Variants in GASK1A observed in about 807,000 individuals in gnomAD.
GASK1A encodes Golgi-associated kinase 1A.
A neutral mutation model predicts 41.2 loss-of-function variants in GASK1A; 40 were observed. The ratio of observed to expected loss-of-function variants is 0.97; its 90% CI spans 0.75 to 1.27. The LOEUF (loss-of-function observed/expected upper bound fraction) is 1.27, where lower values mean the gene tolerates loss of function less well. Ranked by LOEUF, GASK1A falls within the 50% of genes most tolerant of loss-of-function variation. GASK1A has a pLI of 0.00. For missense variants in GASK1A, 678 were observed against 745.1 expected, an observed-to-expected ratio of 0.91 and a Z score of 1.05; for synonymous variants, 316 against 307.1, an observed-to-expected ratio of 1.03 and a Z score of -0.30.
rs1212728053 is a variant in GASK1A at position 43,053,596 on chromosome 3, C to A, written c.1366C>A (p.Arg456=). 6.4e-7 allele frequency: 1 copy of A among 1,551,662 alleles called. No individual in the cohort carries two copies. The change falls in exon 3 of 5, where the codon CGA becomes AGA. Residue 456 remains arginine (R), a synonymous_variant. Coordinates refer to ENST00000430121, the MANE Select transcript of GASK1A (RefSeq NM_001129908.3). ...PSDPCVEERL[R]EKCQNPAELR... ...AGACCCCTGTGTGGAAGAGAGGCTC[C>A]GAGAGAAATGCCAGAACCCAGCCGA...
intron 1 of GASK1A, among the ~76,000 whole-genome samples, chr3:43,019,574 G>A (rs2089511290): frequency 6.6e-6 from 1 of 152,130 alleles, no homozygotes; most frequent in South Asian, 2.1e-4. Context: ...GTGACAAACT[G>A]CACTTTAAGA....
chr3:43,014,545 G>A (rs1269456439), intron 1 of GASK1A, among the ~76,000 whole-genome samples: 1 of 152,134 alleles, frequency 6.6e-6, no homozygotes, highest in Non-Finnish European at 1.5e-5. Flanking sequence ...GGAAGTCACA[G>A]GAAGTGGCTG....
intron 2 of GASK1A, among the ~76,000 whole-genome samples, chr3:43,052,230 T>C (rs2089694723): frequency 6.6e-6 from 1 of 152,152 alleles, no homozygotes; most frequent in Non-Finnish European, 1.5e-5. Context: ...CTACCTTGAC[T>C]TGCCCCACAC....
rs758870308 is a variant in GASK1A at position 43,053,526 on chromosome 3, C to T, written c.1296C>T (p.His432=). Residue 432 remains histidine, a synonymous_variant, in exon 3 of 5, where the codon CAC becomes CAT. Transcript: ENST00000430121. ...AAGGCTGGGTGTCTCCACAGGTCCA[C>T]GACCGCTTGGATCGCTACTGCTGTG... ...LALFDFLLQV[H]DRLDRYCCGF... 15 of 1,547,136 alleles carry T rather than the reference C, an allele frequency of 9.7e-6. No individual in the cohort carries two copies. Among genetic ancestry groups the T allele is most frequent in the African/African-American group, 8.2e-5 (6 of 72,960 alleles).
rs1374296115 is a variant in GASK1A at position 43,057,334 on chromosome 3, C to T, written c.*948C>T. The T allele has an allele frequency of 6.6e-6, 1 of 152,166 alleles. No individual in the cohort carries two copies. Among genetic ancestry groups the T allele is most frequent in the Non-Finnish European group, 1.5e-5 (1 of 68,046 alleles). The allele number at this position is 152,166 out of a possible 1,614,324, so 9.4% of individuals were successfully genotyped here. On this transcript the variant is annotated 3_prime_UTR_variant, in exon 5 of 5. Transcript: ENST00000430121. ...AGATTTCCGTACGGGATTTCTGGGG[C>T]AAAGGGTATGGGCATTCAGTATTCT...
At position 43,057,413 on chromosome 3, in the gene GASK1A, C is replaced by T. The variant is rs1260245092; in HGVS notation, c.*1027C>T. ...ATGGTGGTGTCAATTTACATTTCTC[C>T]CAAGAGGGTAGGAGACTGATTATTT... On this transcript the variant is annotated 3_prime_UTR_variant, in exon 5 of 5. Transcript: ENST00000430121. 1 of 152,092 alleles carries T rather than the reference C, an allele frequency of 6.6e-6. No homozygotes were observed. The highest frequency in any genetic ancestry group is 1.9e-4 in the East Asian group (1 of 5,190). 9.4% of individuals were successfully genotyped at this position (152,092 alleles called of 1,614,324 possible). A position where few individuals can be genotyped will look rare whatever the true frequency, so the allele number is the denominator to read the frequency against.
chr3:42,995,036 A>G (rs1256714860), intron 1 of GASK1A, among the ~76,000 whole-genome samples: 3 of 152,236 alleles, frequency 2.0e-5, no homozygotes, highest in African/African-American at 7.2e-5. Flanking sequence ...TTCAAATGTA[A>G]ATAGTCACAT....
intron 1 of GASK1A, among the ~76,000 whole-genome samples, chr3:43,017,578 G>A (rs2089498944): frequency 6.6e-6 from 1 of 150,400 alleles, no homozygotes; most frequent in Non-Finnish European, 1.5e-5. Context: ...GGGGTAGTGG[G>A]AAATCACAGG....
chr3:42,997,889 C>T (rs2089385260), intron 1 of GASK1A, among the ~76,000 whole-genome samples: 2 of 152,246 alleles, frequency 1.3e-5, no homozygotes. Flanking sequence ...CATGAGAGGG[C>T]AGGTTCCTGC....
At chr3:43,017,693 G>A (rs2089499839) in intron 1 of GASK1A, among the ~76,000 whole-genome samples, 2 of 151,562 alleles carry the variant, frequency 1.3e-5, no homozygotes, top group Non-Finnish European at 2.9e-5. Context: ...GAGGCTGTGT[G>A]AAGTCACAAG....
chr3:42,979,568 C>T lies in GASK1A; in HGVS notation c.-75C>T, dbSNP rs905849950. 79 of 1,234,530 alleles carry T rather than the reference C, an allele frequency of 6.4e-5. No individual in the cohort carries two copies. The highest frequency in any genetic ancestry group is 7.7e-5 in the Non-Finnish European group (76 of 984,952). 76.5% of individuals were successfully genotyped at this position (1,234,530 alleles called of 1,614,324 possible). A position where few individuals can be genotyped will look rare whatever the true frequency, so the allele number is the denominator to read the frequency against. On this transcript the variant is annotated 5_prime_UTR_variant, in exon 1 of 5. Transcript: ENST00000430121. ...GCCTGGCGAGCCACGGCGCCGGGGG[C>T]GGCCAAGGGGAGGCGGGATGAGTCT...
chr3:43,015,936 A>G (rs1235368815), intron 1 of GASK1A, among the ~76,000 whole-genome samples: 21 of 140,570 alleles, frequency 1.5e-4, no homozygotes, highest in African/African-American at 5.1e-4. Flanking sequence ...GGGGCAGTGT[A>G]AAGCCACAGG....
intron 1 of GASK1A, among the ~76,000 whole-genome samples, chr3:43,025,191 G>A (rs1321330696): frequency 2.0e-5 from 3 of 152,194 alleles, no homozygotes; most frequent in Non-Finnish European, 4.4e-5. Context: ...AAAGGGGGCT[G>A]TTGCACGTGT....
In GASK1A at chr3:43,056,465, G is replaced by A; in HGVS notation, c.*79G>A. 1 of 1,310,274 alleles carries A rather than the reference G, an allele frequency of 7.6e-7. No homozygotes were observed. Among genetic ancestry groups the A allele is most frequent in the East Asian group, 2.6e-5 (1 of 39,126 alleles). The allele number at this position is 1,310,274 out of a possible 1,614,324, so 81.2% of individuals were successfully genotyped here. A position where few individuals can be genotyped will look rare whatever the true frequency, so the allele number is the denominator to read the frequency against. ...GGGCTCACTCATCTTGAGGACAAATGGGAAAAGCCAGAAGCCAGAGGGGCA... is the reference window on the plus strand; with the variant it reads ...GGGCTCACTCATCTTGAGGACAAATAGGAAAAGCCAGAAGCCAGAGGGGCA... On this transcript the variant is annotated 3_prime_UTR_variant, in exon 5 of 5. Transcript: ENST00000430121.
chr3:43,045,596 A>T (rs2089657802), intron 2 of GASK1A, among the ~76,000 whole-genome samples: 1 of 152,310 alleles, frequency 6.6e-6, no homozygotes, highest in East Asian at 1.9e-4. Context: ...TCTCTGCACT[A>T]AACCACTGTG....
In GASK1A at chr3:42,985,885, A is replaced by T. The variant is rs528768456; in HGVS notation, c.3+6240A>T. The stretch of plus-strand genomic sequence containing the variant: ...CAGGATGCCAGCAACAGGAACTCTC[A>T]TACATGAAAGTGGGAAACACAGTAG... On this transcript the variant is annotated intron_variant, in intron 1 of 4. Transcript: ENST00000430121. 7.7e-4 allele frequency among the ~76,000 whole-genome samples: 117 copies of T among 152,310 alleles called. 1 individual carries two copies. The highest frequency in any genetic ancestry group is 2.7e-3 in the African/African-American group (114 of 41,578).
At chr3:43,001,391 G>A (rs919916209) in intron 1 of GASK1A, among the ~76,000 whole-genome samples, 4 of 152,272 alleles carry the variant, frequency 2.6e-5, no homozygotes, top group African/African-American at 9.6e-5. Context: ...CATCTAGCCT[G>A]CAATGGACTT....
At chr3:43,046,053 A>T (rs1346420634) in intron 2 of GASK1A, among the ~76,000 whole-genome samples, 2 of 152,202 alleles carry the variant, frequency 1.3e-5, no homozygotes, top group Non-Finnish European at 2.9e-5. Flanking sequence ...GGACTAATAC[A>T]GTAAATTGGT....
rs570993059 is a variant in GASK1A, at chr3:43,007,979, T to TTTGCTTGC, written c.4-24272_4-24265dup. Among the ~76,000 whole-genome samples the TTTGCTTGC allele has an allele frequency of 1.2e-4, 18 of 152,212 alleles. No individual in the cohort carries two copies. In the South Asian group the frequency reaches 3.3e-3, roughly 28 times the overall value. ...AGAGGATGGCTTCCAGCTCTCCGGG[T>TTTGCTTGC]TTGCTTGCTTGCTTGCTTGCTTGGA... On this transcript the variant is annotated intron_variant, in intron 1 of 4. Transcript: ENST00000430121.
Sources: allele counts gnomAD v4.1 joint callset (sites outside exome capture counted in the v4.1 genomes callset), GRCh38; gene constraint gnomAD v4.1.1; transcripts MANE v1.5; gene names NCBI Gene and HGNC (gene_info 2026-07-23, HGNC 2026-07-21).